SYNE1: variants seen among roughly 807,000 people sequenced by gnomAD.
SYNE1 encodes spectrin repeat containing nuclear envelope protein 1, also known as nesprin-1.
Under a neutral mutation model 1,111.0 loss-of-function variants are expected in SYNE1, and 616 were observed. The ratio of observed to expected loss-of-function variants is 0.55; its 90% CI spans 0.52 to 0.59. The LOEUF is 0.59. Among genes scored for constraint, SYNE1 ranks in the 20% least tolerant of loss-of-function variants. The pLI is 0.00. For synonymous variants in SYNE1, 3,855 were observed against 3,825.8 expected (o/e 1.01, Z -0.28); for missense variants, 10,006 against 10,417.0 (o/e 0.96, Z 1.72).
chr6:152,486,345 C>T (rs552808862), intron 12 of SYNE1, among the ~76,000 whole-genome samples: 4 of 152,170 alleles, frequency 2.6e-5, no homozygotes, highest in Admixed American at 6.5e-5. Flanking sequence ...ATTTAAAATG[C>T]TGATTACAGA....
At chr6:152,606,341 A>C (rs537346624) in intron 3 of SYNE1, among the ~76,000 whole-genome samples, 2 of 152,302 alleles carry the variant, frequency 1.3e-5, no homozygotes, top group East Asian at 3.9e-4. Flanking sequence ...CAAAGAGTCC[A>C]CTGCCCCCTG....
rs3734366 is a variant in SYNE1, at chr6:152,330,522, G to T, written c.14163C>A (p.Asp4721Glu). ...SLQDGCRAIL[D>E]EVAGLGEAVD... ...CCGCCTCCCCAAGGCCCGCCACCTC[G>T]TCCAGAATGGCTCTGCAACCATCTT... The change falls in exon 78 of 146, where the codon GAC (aspartate) becomes GAA (glutamate). Residue 4721 changes from aspartate to glutamate, a missense_variant. Physicochemically the swap from Asp to Glu is conservative, Grantham distance 45 (BLOSUM62 2). Around this residue, in one of 7 missense-constraint regions of SYNE1, gnomAD observed 4,955 missense variants for 5,017.2 expected, o/e 0.99. Transcript: ENST00000367255. The T allele has an allele frequency of 6.2e-7, 1 of 1,614,040 alleles. No individual in the cohort carries two copies. The highest frequency in any genetic ancestry group is 8.5e-7 in the Non-Finnish European group (1 of 1,180,018).
In SYNE1 at chr6:152,122,652, G is replaced by A; in HGVS notation, c.26178C>T (p.Ser8726=). 6.2e-7 allele frequency: 1 copy of A among 1,614,038 alleles called. No individual in the cohort carries two copies. Among genetic ancestry groups the A allele is most frequent in the Non-Finnish European group, 8.5e-7 (1 of 1,179,966 alleles). Residue 8726 remains serine (S), a synonymous_variant, in exon 146 of 146, where the codon TCC becomes TCT. Coordinates refer to ENST00000367255, the MANE Select transcript of SYNE1 (RefSeq NM_182961.4). ...GACCTGGCCCTGGCTCAGAAAGGGA[G>A]GAATCGGAGCCACCTTTTGTGGACC... ...HSRSTKGGSD[S]SLSEPGPGRS...
chr6:152,583,413 C>T (rs1036323859), intron 3 of SYNE1, among the ~76,000 whole-genome samples: 3 of 152,160 alleles, frequency 2.0e-5, no homozygotes, highest in African/African-American at 7.2e-5. Flanking sequence ...CTGTACTGAG[C>T]CCCATTCCCT....
chr6:152,438,615 C>T (rs1428724694), intron 32 of SYNE1, among the ~76,000 whole-genome samples: 1 of 152,092 alleles, frequency 6.6e-6, no homozygotes, highest in Non-Finnish European at 1.5e-5. Flanking sequence ...TGACCTTTGG[C>T]CACATCTCTC....
chr6:152,550,669 T>C (rs925645240), intron 3 of SYNE1, among the ~76,000 whole-genome samples: 2 of 151,886 alleles, frequency 1.3e-5, no homozygotes, highest in African/African-American at 2.4e-5. Flanking sequence ...TTGACCTGAA[T>C]TGAGAAAAGA....
chr6:152,337,716 C>T (rs1166833343), intron 75 of SYNE1, among the ~76,000 whole-genome samples: 1 of 152,228 alleles, frequency 6.6e-6, no homozygotes, highest in African/African-American at 2.4e-5. Flanking sequence ...GAAAAGACTT[C>T]TGTTATTCTC....
chr6:152,367,468 C>G, intron 61 of SYNE1, 86 bp from the exon 62 acceptor site: 1 of 1,507,756 alleles, frequency 6.6e-7, no homozygotes, highest in Non-Finnish European at 9.1e-7. Context: ...CAAAGGCAAT[C>G]AGTCATGGCT....
intron 3 of SYNE1, among the ~76,000 whole-genome samples, chr6:152,588,507 C>A (rs2099547542): frequency 6.6e-6 from 1 of 152,154 alleles, no homozygotes; most frequent in African/African-American, 2.4e-5. Flanking sequence ...GAGTCCTGAT[C>A]AGTAGCTAAC....
At chr6:152,229,052 C>G (rs146496695) in intron 115 of SYNE1, among the ~76,000 whole-genome samples, 2 of 152,068 alleles carry the variant, frequency 1.3e-5, no homozygotes, top group Non-Finnish European at 2.9e-5. Context: ...TTTTCAGAAC[C>G]GAAAAGCTTT....
Position 152,488,439 on chromosome 6 carries a change from G to C in SYNE1, c.1004C>G (p.Thr335Arg). 1.2e-6 allele frequency: 2 copies of C among 1,609,398 alleles called. No individual in the cohort carries two copies. Reference sequence around the variant, plus strand: ...ATTTGATTCCACCATCTGTGCTCTTGTCAAATCTCTCTCAAATTGTTCTAT... The same window carrying C: ...ATTTGATTCCACCATCTGTGCTCTTCTCAAATCTCTCTCAAATTGTTCTAT... ...VWIEQFERDLTRAQMVESNLQ... is the reference protein window; with the variant it reads ...VWIEQFERDLRRAQMVESNLQ... The change falls in exon 12 of 146, where the codon ACA becomes AGA. Residue 335 changes from threonine to arginine, a missense_variant. Physicochemically the swap from Thr to Arg is moderately conservative, Grantham distance 71. Around this residue, in one of 7 missense-constraint regions of SYNE1, gnomAD observed 1,971 missense variants for 2,084.1 expected, o/e 0.95. Coordinates refer to ENST00000367255, the MANE Select transcript of SYNE1 (RefSeq NM_182961.4).
intron 45 of SYNE1, among the ~76,000 whole-genome samples, chr6:152,406,421 C>A (rs2097901860): frequency 6.7e-6 from 1 of 149,826 alleles, no homozygotes; most frequent in Admixed American, 6.7e-5. Flanking sequence ...AGAATGGGAA[C>A]AATTAACTTT....
chr6:152,339,505 C>T, intron 74 of SYNE1, 139 bp from the exon 75 acceptor site: 2 of 1,260,130 alleles, frequency 1.6e-6, no homozygotes, highest in Non-Finnish European at 1.1e-6. Flanking sequence ...GTTCAAGTGA[C>T]ATATATTAGT....
intron 3 of SYNE1, among the ~76,000 whole-genome samples, chr6:152,551,344 A>C (rs1208428804): frequency 6.6e-6 from 1 of 152,198 alleles, no homozygotes; most frequent in Non-Finnish European, 1.5e-5. Context: ...TGAAGGCTGA[A>C]GAGTTACAGA....
chr6:152,336,044 G>A (rs2096381051), intron 76 of SYNE1: 1 of 151,388 alleles, frequency 6.6e-6, no homozygotes. Context: ...AATACAAACT[G>A]CATTTATATT....
At chr6:152,623,458 CACAG>C (rs1440088232) in intron 3 of SYNE1, among the ~76,000 whole-genome samples, 6 of 152,016 alleles carry the variant, frequency 3.9e-5, no homozygotes, top group African/African-American at 1.4e-4. Context: ...ATGACACAGG[CACAG>C]ACAAAGATTA....
chr6:152,430,401 T>A, intron 35 of SYNE1, 81 bp downstream of exon 35: 1 of 1,318,064 alleles, frequency 7.6e-7, no homozygotes, highest in Non-Finnish European at 1.1e-6. Flanking sequence ...CTTATTCCAC[T>A]ATTTGTAAAG....
intron 3 of SYNE1, among the ~76,000 whole-genome samples, chr6:152,605,078 AAGGAAGG>A (rs2099611078): frequency 4.8e-5 from 1 of 21,032 alleles, no homozygotes; most frequent in Non-Finnish European, 1.2e-4. Flanking sequence ...GGGAGGAAAG[AAGGAAGG>A]AAGGAAGGAA....
At chr6:152,150,065 G>A (rs537346421) in intron 135 of SYNE1, among the ~76,000 whole-genome samples, 1 of 152,264 alleles carries the variant, frequency 6.6e-6, no homozygotes, top group African/African-American at 2.4e-5. Context: ...GAAATATCCC[G>A]ATCATTTTAA....
Sources: gnomAD v4.1 joint callset for allele counts (sites outside exome capture counted in the v4.1 genomes callset) on GRCh38, gnomAD v4.1.1 for gene constraint, gnomAD v4.1.1 regional missense constraint, MANE v1.5 for transcripts, NCBI Gene and HGNC (gene_info 2026-07-23, HGNC 2026-07-21) for gene names.